USP34: variants seen among roughly 807,000 people sequenced by gnomAD.
USP34 encodes ubiquitin carboxyl-terminal hydrolase 34.
Under a neutral mutation model 460.3 loss-of-function variants are expected in USP34, and 70 were observed. The observed-to-expected ratio is 0.15, with a 90% CI of 0.13 to 0.19. The LOEUF is 0.19. USP34 is among the 10% of genes least tolerant of loss of function. The probability of loss-of-function intolerance (pLI) is 1.00; values close to 1 mark genes in which losing one functional copy is unlikely to be tolerated. For missense variants in USP34, 3,985 were observed against 4,236.2 expected, an observed-to-expected ratio of 0.94 and a Z score of 1.65; for synonymous variants, 1,647 against 1,405.3, an observed-to-expected ratio of 1.17 and a Z score of -3.85.
At chr2:61,195,190 A>C (rs1572824784) in intron 75 of USP34, among the ~76,000 whole-genome samples, 1 of 152,072 alleles carries the variant, frequency 6.6e-6, no homozygotes, top group East Asian at 1.9e-4. Context: ...ACTGCACTCC[A>C]GTCTGGGTGA....
At chr2:61,203,723 T>C (rs780899139) in intron 74 of USP34, among the ~76,000 whole-genome samples, 2 of 152,054 alleles carry the variant, frequency 1.3e-5, no homozygotes, top group Non-Finnish European at 2.9e-5. Context: ...AGGGAAAAAT[T>C]GTTTTTAAAA....
At chr2:61,464,787 C>T (rs1387245036) in intron 1 of USP34, among the ~76,000 whole-genome samples, 2 of 149,678 alleles carry the variant, frequency 1.3e-5, no homozygotes, top group Non-Finnish European at 3.0e-5. Context: ...ATTTACCTTA[C>T]GAGGTAAATA....
chr2:61,314,533 G>C lies in USP34; in HGVS notation c.3542+52C>G, dbSNP rs1690685885. The C allele has an allele frequency of 3.7e-6, 5 of 1,365,994 alleles. No individual in the cohort carries two copies. The East Asian group carries it at 1.0e-4, about 28-fold the overall frequency. The allele number at this position is 1,365,994 out of a possible 1,614,324, so 84.6% of individuals were successfully genotyped here. A position where few individuals can be genotyped will look rare whatever the true frequency, so the allele number is the denominator to read the frequency against. On this transcript the variant is annotated intron_variant, in intron 25 of 79. Transcript: ENST00000398571. ...TCACTTTAAGAATATTTCTGGATAT[G>C]TCAGGAATAAAAATGAAATTCATTC...
Position 61,226,923 on chromosome 2 carries a change from A to T in USP34, c.7595+144T>A, listed in dbSNP as rs1212463726. 7.8e-6 allele frequency: 8 copies of T among 1,031,974 alleles called. No individual in the cohort carries two copies. In the Admixed American group the frequency reaches 2.5e-4, roughly 33 times the overall value. 63.9% of individuals were successfully genotyped at this position (1,031,974 alleles called of 1,614,324 possible). On this transcript the variant is annotated intron_variant, in intron 62 of 79. Transcript: ENST00000398571. ...ATGAATAGTAGTATTATTTAAAAGG[A>T]TTTATATAATAAAAGCTAGTGAATA... is the stretch of plus-strand genomic sequence containing the variant.
intron 22 of USP34, 85 bp downstream of exon 22, chr2:61,319,088 A>C: frequency 7.4e-7 from 1 of 1,353,746 alleles, no homozygotes; most frequent in Non-Finnish European, 9.8e-7. Flanking sequence ...CTGTCAAAAA[A>C]AAAAAGGCAT....
chr2:61,445,001 T>C (rs1276032941), intron 1 of USP34, among the ~76,000 whole-genome samples: 2 of 151,594 alleles, frequency 1.3e-5, no homozygotes, highest in African/African-American at 2.4e-5. Context: ...GTGATTTCTC[T>C]GTATAAACAA....
chr2:61,248,500 G>GAAA lies in USP34; in HGVS notation c.6394+8_6394+10dup. On this transcript the variant is annotated intron_variant, in intron 49 of 79. Coordinates refer to ENST00000398571, the MANE Select transcript of USP34 (RefSeq NM_014709.4). Reference sequence around the variant, plus strand: ...ATAATCACAGACAAGAGAAAGAAATGAAAAAATCACCTTCTTTCCTCTCAC... The same window carrying GAAA: ...ATAATCACAGACAAGAGAAAGAAATGAAAAAAAAATCACCTTCTTTCCTCTCAC... The GAAA allele has an allele frequency of 6.5e-7, 1 of 1,542,346 alleles. No individual in the cohort carries two copies. The highest frequency in any genetic ancestry group is 8.8e-7 in the Non-Finnish European group (1 of 1,139,402).
chr2:61,281,862 A>G (rs1689544629), intron 37 of USP34, among the ~76,000 whole-genome samples: 1 of 152,238 alleles, frequency 6.6e-6, no homozygotes, highest in Admixed American at 6.5e-5. Flanking sequence ...TTTCAGAACT[A>G]GAAGCAACAC....
chr2:61,370,668 T>C, intron 8 of USP34, 89 bp from the exon 9 acceptor site: 3 of 1,162,182 alleles, frequency 2.6e-6, no homozygotes, highest in Non-Finnish European at 3.7e-6. Context: ...AACCTAAATT[T>C]GTTCCTATAG....
chr2:61,272,652 C>A (rs560506065), intron 41 of USP34, among the ~76,000 whole-genome samples: 10 of 152,128 alleles, frequency 6.6e-5, no homozygotes, highest in Admixed American at 5.9e-4. Context: ...CGAGTAAACC[C>A]TCTGAAATGT....
At position 61,258,885 on chromosome 2, in the gene USP34, C is replaced by A. The variant is rs147645498; in HGVS notation, c.5844+826G>T. Among the ~76,000 whole-genome samples the A allele has an allele frequency of 2.6e-5, 4 of 152,248 alleles. No homozygotes were observed. The East Asian group carries it at 7.7e-4, about 29-fold the overall frequency. Reference sequence around the variant, plus strand: ...GTGACAGAAGAAGGATGAGACACAACAGATTCTTCAAAGGACAAATTAACA... The same window carrying A: ...GTGACAGAAGAAGGATGAGACACAAAAGATTCTTCAAAGGACAAATTAACA... On this transcript the variant is annotated intron_variant, in intron 44 of 79. Coordinates refer to ENST00000398571, the MANE Select transcript of USP34 (RefSeq NM_014709.4).
chr2:61,388,581 C>T (rs1002168518), intron 5 of USP34, among the ~76,000 whole-genome samples: 2 of 151,652 alleles, frequency 1.3e-5, no homozygotes, highest in South Asian at 4.2e-4. Flanking sequence ...ACGGTGAAAC[C>T]CTGCCTCTAC....
intron 76 of USP34, chr2:61,190,986 A>C (rs902048806): frequency 4.1e-5 from 8 of 194,090 alleles, no homozygotes; most frequent in Admixed American, 1.1e-4. Context: ...AGGCTAACAA[A>C]GAATAGGATG....
intron 8 of USP34, among the ~76,000 whole-genome samples, chr2:61,373,527 G>A (rs1016357512): frequency 7.9e-5 from 12 of 151,356 alleles, no homozygotes; most frequent in African/African-American, 2.7e-4. Context: ...AATAGACTAA[G>A]CCAAAAAATG....
intron 1 of USP34, among the ~76,000 whole-genome samples, chr2:61,441,989 A>T (rs1573045772): frequency 6.6e-6 from 1 of 152,152 alleles, no homozygotes; most frequent in East Asian, 1.9e-4. Flanking sequence ...CAGTCAACTG[A>T]TTTTTGACAA....
chr2:61,256,559 G>T, intron 47 of USP34, 81 bp from the exon 48 acceptor site: 1 of 1,154,414 alleles, frequency 8.7e-7, no homozygotes, highest in Non-Finnish European at 1.2e-6. Flanking sequence ...TTACAATTTT[G>T]ACAGAATGCT....
Position 61,281,310 on chromosome 2 carries a change from T to C in USP34, c.4999-68A>G, listed in dbSNP as rs1689529700. The stretch of plus-strand genomic sequence containing the variant: ...TACAAAGTTAATATGTTAGCAGAAA[T>C]AATTTTAGGTGATTTTAAATACAAT... On this transcript the variant is annotated intron_variant, in intron 37 of 79. Transcript: ENST00000398571. 3.3e-6 allele frequency: 5 copies of C among 1,511,996 alleles called. No homozygotes were observed. In the African/African-American group the frequency reaches 4.2e-5, roughly 13 times the overall value. 93.7% of individuals were successfully genotyped at this position (1,511,996 alleles called of 1,614,324 possible).
At chr2:61,216,800 C>T (rs1001630138) in intron 67 of USP34, among the ~76,000 whole-genome samples, 5 of 151,762 alleles carry the variant, frequency 3.3e-5, no homozygotes, top group African/African-American at 1.2e-4. Flanking sequence ...TGCCTGTAAT[C>T]CCAGCTACTC....
intron 20 of USP34, among the ~76,000 whole-genome samples, chr2:61,328,300 CA>C (rs200821675): frequency 2.4e-3 from 229 of 93,930 alleles, no homozygotes; most frequent in Non-Finnish European, 2.1e-3. Context: ...AAAACTCCGT[CA>C]AAAAAAAAAA....
Sources: gnomAD v4.1 joint callset for allele counts (sites outside exome capture counted in the v4.1 genomes callset) on GRCh38, gnomAD v4.1.1 for gene constraint, MANE v1.5 for transcripts, NCBI Gene and HGNC (gene_info 2026-07-23, HGNC 2026-07-21) for gene names.